Variants in DENND6A observed in about 807,000 individuals in gnomAD.
DENND6A encodes DENN domain containing 6A.
Under a neutral mutation model 95.5 loss-of-function variants are expected in DENND6A, and 43 were observed. The observed-to-expected ratio is 0.45, with a 90% confidence interval of 0.35 to 0.58. DENND6A has a LOEUF of 0.58. Ranked by LOEUF, DENND6A falls within the 20% of genes least tolerant of loss-of-function variation. DENND6A has a pLI of 0.00. For missense variants in DENND6A, 574 were observed against 736.0 expected, an observed-to-expected ratio of 0.78 and a Z score of 2.55; for synonymous variants, 257 against 260.4, an observed-to-expected ratio of 0.99 and a Z score of 0.13.
intron 1 of DENND6A, among the ~76,000 whole-genome samples, chr3:57,690,043 T>C (rs1356845850): frequency 5.9e-5 from 4 of 67,316 alleles, no homozygotes; most frequent in African/African-American, 2.1e-4. Flanking sequence ...ACCATGTCTC[T>C]AAGGAAAAAA....
chr3:57,630,976 T>G lies in DENND6A; in HGVS notation c.1356A>C (p.Glu452Asp). The change falls in exon 16 of 20, where the codon GAA becomes GAC. Residue 452 changes from glutamate (E) to aspartate (D), a missense_variant and splice_region_variant. Transcript: ENST00000311128. ...ELTQSFIIPLERYVASLMPLQ... is the reference protein window; with the variant it reads ...ELTQSFIIPLDRYVASLMPLQ... ...AAGGCATCAAGCTTGCCACATATCT[T>G]TCCTAAAACCAAGAAAAAAGTTAAT... 6.2e-7 allele frequency: 1 copy of G among 1,612,206 alleles called. No homozygotes were observed. The highest frequency in any genetic ancestry group is 8.5e-7 in the Non-Finnish European group (1 of 1,179,588).
At chr3:57,689,031 T>C (rs983578295) in intron 1 of DENND6A, among the ~76,000 whole-genome samples, 1 of 152,094 alleles carries the variant, frequency 6.6e-6, no homozygotes, top group Non-Finnish European at 1.5e-5. Context: ...CCGATCTTAC[T>C]GCAACCTCCA....
At chr3:57,633,408 T>C in intron 14 of DENND6A, 54 bp from the exon 15 acceptor site, 3 of 1,394,594 alleles carry the variant, frequency 2.2e-6, no homozygotes, top group Non-Finnish European at 3.0e-6. Flanking sequence ...TATAAAACAA[T>C]GGATAACTAT....
chr3:57,637,420 A>G (rs1259314935), intron 12 of DENND6A, among the ~76,000 whole-genome samples: 3 of 152,194 alleles, frequency 2.0e-5, no homozygotes, highest in African/African-American at 4.8e-5. Flanking sequence ...CACTAAATAT[A>G]TGTTTCTGGT....
Position 57,628,204 on chromosome 3 carries a change from T to G in DENND6A, c.*10A>C. On this transcript the variant is annotated 3_prime_UTR_variant, in exon 20 of 20. Coordinates refer to ENST00000311128, the MANE Select transcript of DENND6A (RefSeq NM_152678.3). Reference sequence around the variant, plus strand: ...CATAATCCTTTTTGGCTGGAAAATCTTGGCAAATATCATGTCATGCCCGTT... The same window carrying G: ...CATAATCCTTTTTGGCTGGAAAATCGTGGCAAATATCATGTCATGCCCGTT... 6.2e-7 allele frequency: 1 copy of G among 1,609,332 alleles called. No homozygotes were observed. Among genetic ancestry groups the G allele is most frequent in the Non-Finnish European group, 8.5e-7 (1 of 1,177,952 alleles).
At chr3:57,683,284 C>A (rs755499424) in intron 1 of DENND6A, among the ~76,000 whole-genome samples, 4 of 152,128 alleles carry the variant, frequency 2.6e-5, no homozygotes, top group Non-Finnish European at 5.9e-5. Flanking sequence ...TTCAGAAAAA[C>A]TCAATAAATA....
chr3:57,649,691 G>A (rs1301124286), intron 9 of DENND6A, among the ~76,000 whole-genome samples: 4 of 150,738 alleles, frequency 2.7e-5, no homozygotes, highest in Non-Finnish European at 1.5e-5. Context: ...TGTCCCCCAT[G>A]CTAATACTTT....
At chr3:57,639,027 G>A (rs562235974) in intron 12 of DENND6A, among the ~76,000 whole-genome samples, 7 of 152,298 alleles carry the variant, frequency 4.6e-5, no homozygotes, top group Middle Eastern at 3.4e-3. Context: ...GGGCCCAGGA[G>A]TTCAAGGTTA....
rs2077283112 is a variant in DENND6A, at chr3:57,692,824, C to G, written c.195G>C (p.Val65=). The change falls in exon 1 of 20, where the codon GTG becomes GTC. Residue 65 remains valine (V), a synonymous_variant. Coordinates refer to ENST00000311128, the MANE Select transcript of DENND6A (RefSeq NM_152678.3). The part of the protein sequence containing the change: ...WDSFSAWLHC[V]CVVGFDLELG... ...GCTCCAGGTCGAAGCCCACCACACA[C>G]ACGCAGTGCAGCCAGGCGGAGAAGC... 8 of 1,578,386 alleles carry G rather than the reference C, an allele frequency of 5.1e-6. No individual in the cohort carries two copies. The highest frequency in any genetic ancestry group is 6.0e-6 in the Non-Finnish European group (7 of 1,166,134).
intron 1 of DENND6A, among the ~76,000 whole-genome samples, chr3:57,673,213 C>CAAAAAAAAAAAAAAAAAAAAAGAAAAAA (rs386396751): frequency 1.4e-5 from 1 of 70,710 alleles, no homozygotes; most frequent in Admixed American, 2.0e-4. Flanking sequence ...CATTTCGTAT[C>CAAAAAAAAAAAAAAAAAAAAAGAAAAAA]AAAAAAAAAA....
intron 3 of DENND6A, 117 bp downstream of exon 3, chr3:57,672,139 A>C (rs1465444528): frequency 1.0e-6 from 1 of 996,968 alleles, no homozygotes; most frequent in Non-Finnish European, 1.4e-6. Context: ...ATAGGAATAA[A>C]AATCATTGAT....
chr3:57,665,964 G>T, intron 4 of DENND6A, 159 bp downstream of exon 4: 1 of 522,058 alleles, frequency 1.9e-6, no homozygotes, highest in Non-Finnish European at 3.5e-6. Flanking sequence ...TCATTCAGAT[G>T]CTGAATCCTT....
chr3:57,673,243 GAA>G (rs111548640), intron 1 of DENND6A, among the ~76,000 whole-genome samples: 3 of 118,694 alleles, frequency 2.5e-5, no homozygotes, highest in African/African-American at 9.4e-5. Context: ...GAAAGAAAAA[GAA>G]AAAAAAAAAA....
intron 18 of DENND6A, 61 bp from the exon 19 acceptor site, chr3:57,628,946 T>G: frequency 6.9e-7 from 1 of 1,454,024 alleles, no homozygotes; most frequent in East Asian, 2.3e-5. Context: ...CCTCTCTATT[T>G]CAATAGGTAA....
At chr3:57,663,782 CATATCT>C (rs997255709) in intron 4 of DENND6A, 66 bp from the exon 5 acceptor site, 9 of 902,618 alleles carry the variant, frequency 1.0e-5, no homozygotes, top group African/African-American at 3.5e-5. Flanking sequence ...TATCTATATC[CATATCT>C]ATATCTTTTA....
At chr3:57,648,785 AAATGGTGCTGAGAT>A (rs1431242049) in intron 9 of DENND6A, among the ~76,000 whole-genome samples, 1 of 152,218 alleles carries the variant, frequency 6.6e-6, no homozygotes, top group African/African-American at 2.4e-5. Context: ...CCTATTTAAC[AAATGGTGCTGAGAT>A]AATTGGCAAG....
At chr3:57,630,135 A>G (rs2070633584) in intron 18 of DENND6A, among the ~76,000 whole-genome samples, 1 of 152,190 alleles carries the variant, frequency 6.6e-6, no homozygotes, top group South Asian at 2.1e-4. Flanking sequence ...TGGCTCCACT[A>G]CTTAGCAGGG....
At chr3:57,685,257 C>A (rs1282797433) in intron 1 of DENND6A, among the ~76,000 whole-genome samples, 2 of 151,968 alleles carry the variant, frequency 1.3e-5, no homozygotes, top group Non-Finnish European at 2.9e-5. Context: ...TATCTATCAA[C>A]ATTCACCACT....
intron 4 of DENND6A, 146 bp downstream of exon 4, chr3:57,665,977 G>A (rs761970509): frequency 5.5e-6 from 3 of 542,374 alleles, no homozygotes; most frequent in Non-Finnish European, 9.9e-6. Flanking sequence ...GAATCCTTAT[G>A]AATAAGACTC....
Sources: gnomAD v4.1 joint callset for allele counts (sites outside exome capture counted in the v4.1 genomes callset) on GRCh38, gnomAD v4.1.1 for gene constraint, MANE v1.5 for transcripts, NCBI Gene and HGNC (gene_info 2026-07-23, HGNC 2026-07-21) for gene names.